The following TAF4B variants were observed in gnomAD, a reference collection of about 807,000 sequenced individuals.
TAF4B encodes the protein transcription initiation factor TFIID subunit 4B.
TAF4B carries 38 observed loss-of-function variants against 86.4 expected under a neutral mutation model. The observed-to-expected ratio is 0.44, with a 90% CI of 0.34 to 0.58. The LOEUF (loss-of-function observed/expected upper bound fraction) is 0.58. Among genes scored for constraint, TAF4B ranks in the 20% least tolerant of loss-of-function variants. The pLI is 0.02. For synonymous variants in TAF4B, 388 were observed against 391.2 expected (o/e 0.99, Z 0.10); for missense variants, 988 against 1,027.6 (o/e 0.96, Z 0.53).
In TAF4B at chr18:26,313,275, G is replaced by A. The variant is rs879528563; in HGVS notation, c.1833-1954G>A. 4.6e-5 allele frequency among the ~76,000 whole-genome samples: 7 copies of A among 152,206 alleles called. No individual in the cohort carries two copies. In the East Asian group the frequency reaches 9.7e-4, roughly 21 times the overall value. ...CATCTGACTTTTCATTTATGTTCAC[G>A]TGTTCTTTTGAAAATAAATTTTACA... On this transcript the variant is annotated intron_variant, in intron 9 of 14. Transcript: ENST00000269142.
At chr18:26,366,481 G>A (rs2057372367) in intron 14 of TAF4B, 2 of 151,934 alleles carry the variant, frequency 1.3e-5, no homozygotes, top group South Asian at 2.1e-4. Flanking sequence ...TAGATTGCTC[G>A]GTCAACAAAT....
chr18:26,275,347 G>C (rs1231165621), intron 5 of TAF4B, among the ~76,000 whole-genome samples: 2 of 152,028 alleles, frequency 1.3e-5, no homozygotes, highest in African/African-American at 4.8e-5. Flanking sequence ...GTAGAGACGG[G>C]GTTTTGCCAT....
rs141823010 is a variant in TAF4B, at chr18:26,241,914, C to T, written c.343+14638C>T. 5.3e-4 allele frequency among the ~76,000 whole-genome samples: 80 copies of T among 152,290 alleles called. No individual in the cohort carries two copies. In the East Asian group the frequency reaches 9.4e-3, roughly 18 times the overall value. ...GCGGTTTTGAGTGAGTTTCTTAATCCTGAGTTCTAGTTTGATTGCCCTGTG... is the reference window on the plus strand; with the variant it reads ...GCGGTTTTGAGTGAGTTTCTTAATCTTGAGTTCTAGTTTGATTGCCCTGTG... On this transcript the variant is annotated intron_variant, in intron 1 of 14. Coordinates refer to ENST00000269142, the MANE Select transcript of TAF4B (RefSeq NM_005640.3).
At chr18:26,265,127 T>C in intron 1 of TAF4B, 43 bp from the exon 2 acceptor site, 1 of 1,585,152 alleles carries the variant, frequency 6.3e-7, no homozygotes, top group Non-Finnish European at 8.6e-7. Flanking sequence ...TTATGCTGTA[T>C]TTAGTGGCTC....
intron 14 of TAF4B, among the ~76,000 whole-genome samples, chr18:26,384,856 A>C (rs918060434): frequency 1.3e-5 from 2 of 152,232 alleles, no homozygotes; most frequent in African/African-American, 4.8e-5. Context: ...AGGCACAGAG[A>C]AATTAAGTAA....
intron 14 of TAF4B, among the ~76,000 whole-genome samples, chr18:26,362,411 A>G (rs1444880273): frequency 2.0e-5 from 3 of 152,192 alleles, no homozygotes; most frequent in Non-Finnish European, 2.9e-5. Flanking sequence ...TGAATTTGCA[A>G]TGTTAATCAT....
chr18:26,326,028 G>T (rs140062285), intron 11 of TAF4B, among the ~76,000 whole-genome samples: 1 of 152,192 alleles, frequency 6.6e-6, no homozygotes, highest in African/African-American at 2.4e-5. Context: ...CAGTACTCAT[G>T]ATTTCCAGGC....
intron 10 of TAF4B, among the ~76,000 whole-genome samples, chr18:26,318,444 G>A (rs986577662): frequency 6.6e-6 from 1 of 150,800 alleles, no homozygotes; most frequent in Admixed American, 6.6e-5. Context: ...TTCCTTCCTT[G>A]TAGAATAGGT....
In TAF4B at chr18:26,340,637, T is replaced by C. The variant is rs1224786650; in HGVS notation, c.2316+5406T>C. 3.9e-5 allele frequency among the ~76,000 whole-genome samples: 6 copies of C among 152,168 alleles called. No homozygotes were observed. In the East Asian group the frequency reaches 1.2e-3, roughly 29 times the overall value. On this transcript the variant is annotated intron_variant, in intron 13 of 14. Coordinates refer to ENST00000269142, the MANE Select transcript of TAF4B (RefSeq NM_005640.3). ...GTCCCACAACCAGAGTTTATAATAC[T>C]GTAGTAGGTCTAGGGTAGGACTTGA...
intron 9 of TAF4B, among the ~76,000 whole-genome samples, chr18:26,309,467 C>T (rs768461947): frequency 9.9e-5 from 15 of 151,812 alleles, no homozygotes; most frequent in Non-Finnish European, 1.6e-4. Context: ...CTAGTATTTT[C>T]CATATTACCA....
At chr18:26,361,192 G>T (rs925762491) in intron 14 of TAF4B, among the ~76,000 whole-genome samples, 1 of 151,650 alleles carries the variant, frequency 6.6e-6, no homozygotes, top group East Asian at 1.9e-4. Context: ...TTCTATACCC[G>T]GTAAACAATT....
intron 6 of TAF4B, among the ~76,000 whole-genome samples, chr18:26,285,494 A>G (rs2056508641): frequency 6.6e-6 from 1 of 151,822 alleles, no homozygotes; most frequent in Admixed American, 6.6e-5. Context: ...TTTCTATCCA[A>G]AGTTTGAAAG....
In TAF4B at chr18:26,357,579, TA is replaced by T. The variant is rs1384875955; in HGVS notation, c.2317-110del. On this transcript the variant is annotated intron_variant, in intron 13 of 14. Transcript: ENST00000269142. ...TGTTATGGGAATCTAATGTTTATTT[TA>T]TATTGTAACTTTATTTGGTGAATGC... 87 of 649,724 alleles carry T rather than the reference TA, an allele frequency of 1.3e-4. 1 individual carries two copies. The Middle Eastern group carries it at 2.5e-3, about 18-fold the overall frequency. 40.2% of individuals were successfully genotyped at this position (649,724 alleles called of 1,614,324 possible). A position where few individuals can be genotyped will look rare whatever the true frequency, so the allele number is the denominator to read the frequency against.
At chr18:26,230,279 ACTTATGAAGCAGTGAGGTCC>A (rs2055645538) in intron 1 of TAF4B, among the ~76,000 whole-genome samples, 1 of 152,192 alleles carries the variant, frequency 6.6e-6, no homozygotes, top group South Asian at 2.1e-4. Flanking sequence ...TGTGAAAGTT[ACTTATGAAGCAGTGAGGTCC>A]CTTTTCATCA....
At chr18:26,361,768 A>G (rs569664816) in intron 14 of TAF4B, among the ~76,000 whole-genome samples, 209 of 148,658 alleles carry the variant, frequency 1.4e-3, no homozygotes, top group African/African-American at 4.8e-3. Flanking sequence ...AAAAAAAAGT[A>G]TGGAAAAATT....
In TAF4B at chr18:26,292,339, A is replaced by G. The variant is rs201740496; in HGVS notation, c.1684A>G (p.Met562Val). The stretch of plus-strand genomic sequence containing the variant: ...CATTCAGAAATGTGGACAGAAGACG[A>G]TGCCAGTGAACACCATAATACCTAC... ...LTIQKCGQKT[M>V]PVNTIIPTSQ... The change falls in exon 8 of 15, where the codon ATG becomes GTG. Residue 562 changes from methionine to valine, a missense_variant. Around this residue, in one of 3 missense-constraint regions of TAF4B, gnomAD observed 747 missense variants for 737.9 expected, o/e 1.01. Coordinates refer to ENST00000269142, the MANE Select transcript of TAF4B (RefSeq NM_005640.3). 3.1e-6 allele frequency: 5 copies of G among 1,614,210 alleles called. No homozygotes were observed. The highest frequency in any genetic ancestry group is 1.7e-5 in the Admixed American group (1 of 60,024).
chr18:26,305,396 A>G (rs1180441980), intron 9 of TAF4B, among the ~76,000 whole-genome samples: 2 of 151,678 alleles, frequency 1.3e-5, no homozygotes, highest in African/African-American at 2.4e-5. Context: ...TTTTAGTGAT[A>G]TGTTTTTGTT....
chr18:26,292,440 A>G (rs1036606727), intron 8 of TAF4B, 59 bp downstream of exon 8: 3 of 1,542,122 alleles, frequency 1.9e-6, no homozygotes, highest in Non-Finnish European at 2.6e-6. Flanking sequence ...GGGGTTTTGT[A>G]TAACTTTTTT....
Position 26,256,246 on chromosome 18 carries a change from A to G in TAF4B, c.344-8924A>G, listed in dbSNP as rs373455721. 7.0e-6 allele frequency: 11 copies of G among 1,560,318 alleles called. No homozygotes were observed. The Admixed American group carries it at 8.3e-5, about 12-fold the overall frequency. ...TCATGCAATCCAGAACAGCTGTGGA[A>G]GTCCTTTTCATAGCGTTTACTGTCA... On this transcript the variant is annotated intron_variant, in intron 1 of 14. Transcript: ENST00000269142.
Sources: gnomAD v4.1 joint callset for allele counts (sites outside exome capture counted in the v4.1 genomes callset) on GRCh38, gnomAD v4.1.1 for gene constraint, gnomAD v4.1.1 regional missense constraint, MANE v1.5 for transcripts, NCBI Gene and HGNC (gene_info 2026-07-23, HGNC 2026-07-21) for gene names.